Variants in LRP1 observed in about 807,000 individuals in gnomAD.
LRP1 encodes the protein prolow-density lipoprotein receptor-related protein 1.
Under a neutral mutation model 541.5 loss-of-function variants are expected in LRP1, and 51 were observed. That is an observed-to-expected ratio of 0.09 (90% confidence interval 0.08 to 0.12). The LOEUF (loss-of-function observed/expected upper bound fraction) is 0.12. Among genes scored for constraint, LRP1 ranks in the 10% least tolerant of loss-of-function variants. LRP1 has a pLI of 1.00. For missense variants in LRP1, 3,878 were observed against 6,376.2 expected, an observed-to-expected ratio of 0.61 and a Z score of 13.34; for synonymous variants, 2,219 against 2,470.8, an observed-to-expected ratio of 0.90 and a Z score of 3.02.
rs2035749275 is a variant in LRP1 at position 57,162,174 on chromosome 12, ACT to A, written c.2203-138_2203-137del. On this transcript the variant is annotated intron_variant, in intron 13 of 88. Coordinates refer to ENST00000243077, the MANE Select transcript of LRP1 (RefSeq NM_002332.3). The surrounding 1 kb of genome is among the most constrained non-coding windows in gnomAD (Gnocchi z 5.2). Reference sequence around the variant, plus strand: ...CCATCCCACTGTGTGCAAAACTATCACTCTCTGGGGCTCCCAGGCTAATGGGG... The same window carrying A: ...CCATCCCACTGTGTGCAAAACTATCACTCTGGGGCTCCCAGGCTAATGGGG... The A allele has an allele frequency of 1.4e-6, 1 of 722,370 alleles. No homozygotes were observed. Among genetic ancestry groups the A allele is most frequent in the East Asian group, 2.6e-5 (1 of 38,446 alleles). The allele number at this position is 722,370 out of a possible 1,614,324, so 44.7% of individuals were successfully genotyped here.
Position 57,205,057 on chromosome 12 carries a change from G to A in LRP1, c.11195-52G>A. On this transcript the variant is annotated intron_variant, in intron 72 of 88. Coordinates refer to ENST00000243077, the MANE Select transcript of LRP1 (RefSeq NM_002332.3). The surrounding 1 kb of genome is among the most constrained non-coding windows in gnomAD (Gnocchi z 4.6). Reference sequence around the variant, plus strand: ...ACTGTTATCTATGGGGTTGCCGTGGGAGGAGGAGGCAGGGGAGAATACCCA... The same window carrying A: ...ACTGTTATCTATGGGGTTGCCGTGGAAGGAGGAGGCAGGGGAGAATACCCA... 2 of 1,564,716 alleles carry A rather than the reference G, an allele frequency of 1.3e-6. No homozygotes were observed. Among genetic ancestry groups the A allele is most frequent in the Non-Finnish European group, 1.7e-6 (2 of 1,151,742 alleles).
chr12:57,194,037 C>T (rs747656796), intron 48 of LRP1, 25 bp downstream of exon 48: 5 of 1,595,656 alleles, frequency 3.1e-6, no homozygotes, highest in Non-Finnish European at 4.3e-6. Context: ...TTGCTGGCAC[C>T]TCCTGGGCTC....
chr12:57,208,606 AGTCCCCAGCAGTCCCT>A (rs1353201175), intron 77 of LRP1, 89 bp from the exon 78 acceptor site: 3 of 682,200 alleles, frequency 4.4e-6, no homozygotes, highest in Non-Finnish European at 7.7e-6. Flanking sequence ...CCCTCCTCCC[AGTCCCCAGCAGTCCCT>A]GTCCCCAGAC....
chr12:57,186,022 C>T, intron 41 of LRP1, 114 bp downstream of exon 41: 2 of 1,263,532 alleles, frequency 1.6e-6, no homozygotes, highest in East Asian at 2.5e-5. Flanking sequence ...GCAGCTACAA[C>T]TCAGCTGAAT....
chr12:57,175,647 G>A lies in LRP1; in HGVS notation c.3735G>A (p.Lys1245=). 1 of 1,605,046 alleles carries A rather than the reference G, an allele frequency of 6.2e-7. No individual in the cohort carries two copies. Among genetic ancestry groups the A allele is most frequent in the Non-Finnish European group, 8.5e-7 (1 of 1,174,248 alleles). ...QKCDQNKFSV[K]CSCYEGWVLE... The stretch of plus-strand genomic sequence containing the variant: ...GCGACCAGAACAAGTTCAGCGTGAA[G>A]TGCTCCTGCTACGAGGGCTGGGTCC... The change falls in exon 23 of 89, where the codon AAG becomes AAA. Residue 1245 remains lysine (K), a synonymous_variant. Transcript: ENST00000243077.
Position 57,178,684 on chromosome 12 carries a change from G to C in LRP1, c.4606+81G>C, listed in dbSNP as rs1030930741. 3.1e-6 allele frequency: 5 copies of C among 1,590,830 alleles called. No individual in the cohort carries two copies. Among genetic ancestry groups the C allele is most frequent in the Non-Finnish European group, 4.3e-6 (5 of 1,166,826 alleles). ...CTGTAGAAGCTCTTAGGAGAGGAGA[G>C]GGCAGTGAGAACAGGAGCAAGTCTG... On this transcript the variant is annotated intron_variant, in intron 27 of 88. Coordinates refer to ENST00000243077, the MANE Select transcript of LRP1 (RefSeq NM_002332.3). The surrounding 1 kb of genome is among the most constrained non-coding windows in gnomAD (Gnocchi z 5.8).
Position 57,197,955 on chromosome 12 carries a change from G to A in LRP1, c.9283-201G>A, listed in dbSNP as rs998342737. ...CTTGGGGCGTGGTCCCATTCACCTA[G>A]AGCCCCCTCTCCTAGAGCCTCTGCT... On this transcript the variant is annotated intron_variant, in intron 58 of 88. Transcript: ENST00000243077. The surrounding 1 kb of genome is among the most constrained non-coding windows in gnomAD (Gnocchi z 4.5). Among the ~76,000 whole-genome samples the A allele has an allele frequency of 6.6e-6, 1 of 152,182 alleles. No homozygotes were observed. Among genetic ancestry groups the A allele is most frequent in the African/African-American group, 2.4e-5 (1 of 41,448 alleles).
chr12:57,175,717 G>A lies in LRP1; in HGVS notation c.3793+12G>A, dbSNP rs1390230453. On this transcript the variant is annotated intron_variant, in intron 23 of 88. Coordinates refer to ENST00000243077, the MANE Select transcript of LRP1 (RefSeq NM_002332.3). ...CTGCCGCAGCCTGGGTGAGACAACA[G>A]TGAGGTGTGGTGGGGCAGGCCGAGG... 3 of 1,558,432 alleles carry A rather than the reference G, an allele frequency of 1.9e-6. No homozygotes were observed. The highest frequency in any genetic ancestry group is 1.2e-5 in the South Asian group (1 of 81,332).
intron 44 of LRP1, among the ~76,000 whole-genome samples, chr12:57,191,856 CCACATA>C (rs2036397386): frequency 1.0e-4 from 1 of 9,760 alleles, no homozygotes; most frequent in Non-Finnish European, 2.4e-4. Context: ...ACACCACACA[CCACATA>C]CACACCACAC....
In LRP1 at chr12:57,211,607, T is replaced by TCACCCAGG; in HGVS notation, c.13193+22_13193+29dup. 6.2e-7 allele frequency: 1 copy of TCACCCAGG among 1,612,254 alleles called. No individual in the cohort carries two copies. Among genetic ancestry groups the TCACCCAGG allele is most frequent in the South Asian group, 1.1e-5 (1 of 91,046 alleles). On this transcript the variant is annotated intron_variant, in intron 85 of 88. Transcript: ENST00000243077. This position sits in a 1 kb window ranked among gnomAD's most constrained non-coding sequence, Gnocchi z 4.3. ...AGTGCCAGTGAGTTGGGCCCGGGCTTCACCCAGGCATAGATCATCGCTCCC... is the reference window on the plus strand; with the variant it reads ...AGTGCCAGTGAGTTGGGCCCGGGCTTCACCCAGGCACCCAGGCATAGATCATCGCTCCC...
intron 1 of LRP1, among the ~76,000 whole-genome samples, chr12:57,134,259 C>G (rs2035105089): frequency 6.6e-6 from 1 of 152,136 alleles, no homozygotes. Flanking sequence ...TCCTTCCTCT[C>G]TAGATCTCTC....
chr12:57,173,922 C>T lies in LRP1; in HGVS notation c.3489C>T (p.Asp1163=). The change falls in exon 22 of 89, where the codon GAC becomes GAT. Residue 1163 remains aspartate (D), a synonymous_variant. Coordinates refer to ENST00000243077, the MANE Select transcript of LRP1 (RefSeq NM_002332.3). The surrounding 1 kb of genome is among the most constrained non-coding windows in gnomAD (Gnocchi z 4.7). Reference sequence around the variant, plus strand: ...ACACCTCAGTCTGCCTGCCCCCTGACAAGCTGTGTGATGGCAACGACGACT... The same window carrying T: ...ACACCTCAGTCTGCCTGCCCCCTGATAAGCTGTGTGATGGCAACGACGACT... ...ANNTSVCLPP[D]KLCDGNDDCG... 6.2e-7 allele frequency: 1 copy of T among 1,614,242 alleles called. No homozygotes were observed. Among genetic ancestry groups the T allele is most frequent in the Non-Finnish European group, 8.5e-7 (1 of 1,180,050 alleles).
chr12:57,178,889 G>A lies in LRP1; in HGVS notation c.4607-1G>A. The stretch of plus-strand genomic sequence containing the variant: ...TCTTCTCTTCTCCACCCTGCCCCCA[G>A]CTCCCAATCCCTGTGAGGCCAATGG... On this transcript the variant is annotated splice_acceptor_variant, in intron 27 of 88. Transcript: ENST00000243077. LOFTEE classifies it high-confidence loss of function. The surrounding 1 kb of genome is among the most constrained non-coding windows in gnomAD (Gnocchi z 5.8). 6.2e-7 allele frequency: 1 copy of A among 1,611,214 alleles called. No individual in the cohort carries two copies. Among genetic ancestry groups the A allele is most frequent in the Non-Finnish European group, 8.5e-7 (1 of 1,179,160 alleles).
chr12:57,198,796 CCA>C lies in LRP1; in HGVS notation c.9676+128_9676+129del. On this transcript the variant is annotated intron_variant, in intron 60 of 88. Transcript: ENST00000243077. Reference sequence around the variant, plus strand: ...AAGCGGAGGATATGGCCTGAGGACACCACTCACTGGGGTGTGGGGTTCAGAGC... The same window carrying C: ...AAGCGGAGGATATGGCCTGAGGACACCTCACTGGGGTGTGGGGTTCAGAGC... 4 of 949,974 alleles carry C rather than the reference CCA, an allele frequency of 4.2e-6. No homozygotes were observed. The South Asian group carries it at 6.3e-5, about 15-fold the overall frequency. 58.8% of individuals were successfully genotyped at this position (949,974 alleles called of 1,614,324 possible). A position where few individuals can be genotyped will look rare whatever the true frequency, so the allele number is the denominator to read the frequency against.
intron 18 of LRP1, 73 bp downstream of exon 18, chr12:57,167,119 T>TG: frequency 7.7e-7 from 1 of 1,294,538 alleles, no homozygotes; most frequent in Non-Finnish European, 1.1e-6. Context: ...CAGTTGGGGG[T>TG]GCCGGAGACA....
chr12:57,207,814 A>G (rs201185724), intron 76 of LRP1, among the ~76,000 whole-genome samples: 1 of 152,206 alleles, frequency 6.6e-6, no homozygotes, highest in Non-Finnish European at 1.5e-5. Flanking sequence ...TTTATCAATA[A>G]AATTAGGTGA....
intron 69 of LRP1, 29 bp downstream of exon 69, chr12:57,203,316 T>A: frequency 6.3e-7 from 1 of 1,594,224 alleles, no homozygotes; most frequent in Non-Finnish European, 8.6e-7. Context: ...AGGAAGCAGA[T>A]GGCCTCAGAG....
Position 57,177,942 on chromosome 12 carries a change from CTTTTCTT to C in LRP1, c.4361+356_4361+362del, listed in dbSNP as rs2036082297. ...GTCTGCCCAGGGAGGGTGCCTTTTT[CTTTTCTT>C]TTTTTTTTTTTTTTTTTGAGACAGA... is the stretch of plus-strand genomic sequence containing the variant. On this transcript the variant is annotated intron_variant, in intron 26 of 88. Coordinates refer to ENST00000243077, the MANE Select transcript of LRP1 (RefSeq NM_002332.3). This position sits in a 1 kb window ranked among gnomAD's most constrained non-coding sequence, Gnocchi z 6.8. Among the ~76,000 whole-genome samples, 1 of 139,328 alleles carries C rather than the reference CTTTTCTT, an allele frequency of 7.2e-6. No individual in the cohort carries two copies. Among genetic ancestry groups the C allele is most frequent in the African/African-American group, 2.8e-5 (1 of 36,018 alleles). 91.4% of individuals were successfully genotyped at this position (139,328 alleles called of 152,430 possible).
chr12:57,161,582 C>T (rs2035734443), intron 13 of LRP1, among the ~76,000 whole-genome samples: 1 of 152,058 alleles, frequency 6.6e-6, no homozygotes, highest in Admixed American at 6.5e-5. Flanking sequence ...ATGATATGGC[C>T]CCTGACCCCC....
Sources: gnomAD v4.1 joint callset for allele counts (sites outside exome capture counted in the v4.1 genomes callset) on GRCh38, gnomAD v4.1.1 for gene constraint, Gnocchi (gnomAD v3.1) non-coding constraint, MANE v1.5 for transcripts, NCBI Gene and HGNC (gene_info 2026-07-23, HGNC 2026-07-21) for gene names.